Variants in CDH4 observed in about 807,000 individuals in gnomAD.
CDH4 encodes cadherin-4.
CDH4 carries 33 observed loss-of-function variants against 86.0 expected under a neutral mutation model. The ratio of observed to expected loss-of-function variants is 0.38; its 90% CI spans 0.29 to 0.51. The LOEUF (loss-of-function observed/expected upper bound fraction) is 0.51, where lower values mean the gene tolerates loss of function less well. Among genes scored for constraint, CDH4 ranks in the 20% least tolerant of loss-of-function variants. CDH4 has a pLI of 0.86. For synonymous variants in CDH4, 555 were observed against 549.4 expected (o/e 1.01, Z -0.14); for missense variants, 1,114 against 1,307.4 (o/e 0.85, Z 2.28).
At chr20:61,595,026 G>A (rs550872927) in intron 2 of CDH4, among the ~76,000 whole-genome samples, 56 of 152,294 alleles carry the variant, frequency 3.7e-4, no homozygotes, top group African/African-American at 1.3e-3. Flanking sequence ...GGCTCCATCC[G>A]GGCACCCTGG....
intron 2 of CDH4, among the ~76,000 whole-genome samples, chr20:61,260,675 G>A (rs548484427): frequency 6.6e-5 from 10 of 152,284 alleles, no homozygotes; most frequent in African/African-American, 2.4e-4. Context: ...TCCATGGGTG[G>A]TCACTTCAGG....
At chr20:61,600,093 C>G in intron 2 of CDH4, 1 of 351,184 alleles carries the variant, frequency 2.8e-6, no homozygotes, top group Non-Finnish European at 4.0e-6. Flanking sequence ...TTTTCAAAAC[C>G]AGCTGGCTCC....
chr20:61,759,378 G>C (rs1166836132), intron 3 of CDH4, among the ~76,000 whole-genome samples: 1 of 152,240 alleles, frequency 6.6e-6, no homozygotes, highest in African/African-American at 2.4e-5. Flanking sequence ...GAACAGGGGT[G>C]TCTGTGAGAC....
In CDH4 at chr20:61,346,842, G is replaced by T. The variant is rs1295362120; in HGVS notation, c.169+91905G>T. Among the ~76,000 whole-genome samples the T allele has an allele frequency of 2.6e-5, 4 of 152,234 alleles. No individual in the cohort carries two copies. In the Middle Eastern group the frequency reaches 0.01, roughly 388 times the overall value. The stretch of plus-strand genomic sequence containing the variant: ...AGGCTCTGCGCTATGCAGGTGAGAG[G>T]CGACGGTGAGTGGGCCAGGGTGGGA... On this transcript the variant is annotated intron_variant, in intron 2 of 15. Transcript: ENST00000614565.
At chr20:61,428,341 A>G (rs1293682056) in intron 2 of CDH4, among the ~76,000 whole-genome samples, 1 of 152,154 alleles carries the variant, frequency 6.6e-6, no homozygotes, top group East Asian at 1.9e-4. Context: ...CAGAAATTCT[A>G]CTCATGGATG....
At chr20:61,607,953 A>G (rs2086657681) in intron 2 of CDH4, among the ~76,000 whole-genome samples, 1 of 152,170 alleles carries the variant, frequency 6.6e-6, no homozygotes, top group Admixed American at 6.5e-5. Context: ...ACTTGGGTCT[A>G]CACCTGAGGC....
chr20:61,710,693 C>T (rs1338051854), intron 2 of CDH4, among the ~76,000 whole-genome samples: 3 of 152,214 alleles, frequency 2.0e-5, no homozygotes, highest in Non-Finnish European at 2.9e-5. Flanking sequence ...GGCAGAGCCA[C>T]GTTCATCCTG....
intron 6 of CDH4, among the ~76,000 whole-genome samples, chr20:61,860,513 G>A (rs935516145): frequency 4.6e-5 from 7 of 152,226 alleles, no homozygotes; most frequent in African/African-American, 1.4e-4. Context: ...GGACTTGGGT[G>A]CAGGTGATTT....
intron 3 of CDH4, among the ~76,000 whole-genome samples, chr20:61,758,060 C>T (rs1055693694): frequency 2.6e-5 from 4 of 152,208 alleles, no homozygotes; most frequent in African/African-American, 4.8e-5. Context: ...TACCTTCTCT[C>T]GGGGCAGGCA....
chr20:61,504,576 C>T (rs569903115), intron 2 of CDH4, among the ~76,000 whole-genome samples: 9 of 152,304 alleles, frequency 5.9e-5, no homozygotes, highest in South Asian at 2.1e-4. Context: ...TCATCCTGAC[C>T]GCATTCCTCC....
In CDH4 at chr20:61,709,384, CCT is replaced by C. The variant is rs1201880847; in HGVS notation, c.170-34178_170-34177del. Among the ~76,000 whole-genome samples, 4 of 152,172 alleles carry C rather than the reference CCT, an allele frequency of 2.6e-5. No individual in the cohort carries two copies. Among genetic ancestry groups the C allele is most frequent in the Non-Finnish European group, 5.9e-5 (4 of 68,032 alleles). On this transcript the variant is annotated intron_variant, in intron 2 of 15. Transcript: ENST00000614565. This position sits in a 1 kb window ranked among gnomAD's most constrained non-coding sequence, Gnocchi z 4.8. Reference sequence around the variant, plus strand: ...CCGCCTCCTGGGTTCAAGCAATTCTCCTGCCTCAGCCACCCAAGTAGTTGGGA... The same window carrying C: ...CCGCCTCCTGGGTTCAAGCAATTCTCGCCTCAGCCACCCAAGTAGTTGGGA...
intron 12 of CDH4, among the ~76,000 whole-genome samples, chr20:61,928,974 T>C (rs758089143): frequency 1.3e-5 from 2 of 152,218 alleles, no homozygotes; most frequent in African/African-American, 2.4e-5. Flanking sequence ...TGATTACCAG[T>C]GGAAATTTTT....
chr20:61,369,069 A>T (rs1179221745), intron 2 of CDH4, among the ~76,000 whole-genome samples: 1 of 152,174 alleles, frequency 6.6e-6, no homozygotes. Context: ...TGCCATTTTC[A>T]TGAAATGTAT....
intron 2 of CDH4, among the ~76,000 whole-genome samples, chr20:61,270,565 G>A (rs554678286): frequency 2.0e-5 from 3 of 152,236 alleles, no homozygotes; most frequent in South Asian, 4.2e-4. Context: ...GGACTGACCC[G>A]CACAGACGTG....
At chr20:61,620,243 G>T (rs2086763807) in intron 2 of CDH4, among the ~76,000 whole-genome samples, 1 of 29,086 alleles carries the variant, frequency 3.4e-5, no homozygotes, top group African/African-American at 1.1e-4. Flanking sequence ...GACAGACATA[G>T]ATGGGTAGAT....
chr20:61,319,141 C>A (rs922695048), intron 2 of CDH4, among the ~76,000 whole-genome samples: 2 of 151,934 alleles, frequency 1.3e-5, no homozygotes, highest in Admixed American at 1.3e-4. Flanking sequence ...TGTAGTATTA[C>A]AATAAGCATA....
At chr20:61,432,756 T>C (rs952760054) in intron 2 of CDH4, among the ~76,000 whole-genome samples, 1 of 152,120 alleles carries the variant, frequency 6.6e-6, no homozygotes, top group Admixed American at 6.6e-5. Flanking sequence ...AGGAAAACTT[T>C]TCCTACCTCA....
chr20:61,607,234 A>T (rs578136510), intron 2 of CDH4, among the ~76,000 whole-genome samples: 1 of 152,306 alleles, frequency 6.6e-6, no homozygotes, highest in African/African-American at 2.4e-5. Flanking sequence ...ATTTTTCCCT[A>T]GCCCCAGGGT....
At position 61,803,945 on chromosome 20, in the gene CDH4, C is replaced by T. The variant is rs1458549048; in HGVS notation, c.576+30763C>T. On this transcript the variant is annotated intron_variant, in intron 4 of 15. Coordinates refer to ENST00000614565, the MANE Select transcript of CDH4 (RefSeq NM_001794.5). Reference sequence around the variant, plus strand: ...CTTCCAGGAGGCGGTGCCGAGACGGCGGAGGTAATGGAAGCAGAAACGAGT... The same window carrying T: ...CTTCCAGGAGGCGGTGCCGAGACGGTGGAGGTAATGGAAGCAGAAACGAGT... Among the ~76,000 whole-genome samples the T allele has an allele frequency of 4.6e-5, 7 of 152,334 alleles. No individual in the cohort carries two copies. The South Asian group carries it at 1.0e-3, about 23-fold the overall frequency.
Sources: gnomAD v4.1 joint callset for allele counts (sites outside exome capture counted in the v4.1 genomes callset) on GRCh38, gnomAD v4.1.1 for gene constraint, Gnocchi (gnomAD v3.1) non-coding constraint, MANE v1.5 for transcripts, NCBI Gene and HGNC (gene_info 2026-07-23, HGNC 2026-07-21) for gene names.